Variants in ERBB4 observed in about 807,000 individuals in gnomAD.
ERBB4 encodes receptor tyrosine-protein kinase erbB-4.
A neutral mutation model predicts 158.0 loss-of-function variants in ERBB4; 42 were observed. The observed-to-expected ratio is 0.27, with a 90% confidence interval of 0.21 to 0.34. The LOEUF is 0.34. ERBB4 is among the 10% of genes least tolerant of loss of function. The pLI, the probability that ERBB4 is intolerant of heterozygous loss-of-function variation, is 1.00. For missense variants in ERBB4, 1,333 were observed against 1,624.1 expected, an observed-to-expected ratio of 0.82 and a Z score of 3.08; for synonymous variants, 583 against 558.7, an observed-to-expected ratio of 1.04 and a Z score of -0.61.
chr2:211,733,679 A>C (rs200272233), intron 5 of ERBB4, among the ~76,000 whole-genome samples: 4 of 21,014 alleles, frequency 1.9e-4, no homozygotes, highest in Non-Finnish European at 3.0e-4. Context: ...AACAAAAACC[A>C]AAAAAAAAAA....
chr2:212,400,882 C>T lies in ERBB4; in HGVS notation c.82+137567G>A, dbSNP rs2091184173. 2.0e-5 allele frequency among the ~76,000 whole-genome samples: 3 copies of T among 152,202 alleles called. No individual in the cohort carries two copies. The South Asian group carries it at 6.2e-4, about 32-fold the overall frequency. ...GGGGCAACAATTTTTTGTTAAAACT[C>T]TTAGCAAACTCTTCTCAAAATTAAT... On this transcript the variant is annotated intron_variant, in intron 1 of 27. Transcript: ENST00000342788.
chr2:211,755,170 C>A (rs1268110141), intron 4 of ERBB4, among the ~76,000 whole-genome samples: 1 of 152,084 alleles, frequency 6.6e-6, no homozygotes, highest in African/African-American at 2.4e-5. Flanking sequence ...TTTAAACAAC[C>A]ATTTCAGTTA....
chr2:211,596,860 G>A lies in ERBB4; in HGVS notation c.2301+22317C>T, dbSNP rs146923891. On this transcript the variant is annotated intron_variant, in intron 19 of 27. Transcript: ENST00000342788. Reference sequence around the variant, plus strand: ...GCTCACTGCAACCTCCACCTCCCGGGTTCAAGTGATTCTCCTGTCTCAGCC... The same window carrying A: ...GCTCACTGCAACCTCCACCTCCCGGATTCAAGTGATTCTCCTGTCTCAGCC... 7.5e-3 allele frequency among the ~76,000 whole-genome samples: 1,134 copies of A among 152,024 alleles called. 16 individuals carry two copies. Among genetic ancestry groups the A allele is most frequent in the African/African-American group, 0.025 (1,031 of 41,462 alleles).
chr2:212,082,006 C>T (rs1046847831), intron 2 of ERBB4, among the ~76,000 whole-genome samples: 12 of 152,002 alleles, frequency 7.9e-5, no homozygotes, highest in Admixed American at 2.0e-4. Flanking sequence ...AAAGTTTCCA[C>T]GGAACAATTA....
intron 19 of ERBB4, among the ~76,000 whole-genome samples, chr2:211,562,994 A>G (rs1213641962): frequency 1.3e-5 from 2 of 151,968 alleles, no homozygotes; most frequent in African/African-American, 2.4e-5. Context: ...GATGGTCTCT[A>G]TCTCCTGACC....
intron 19 of ERBB4, among the ~76,000 whole-genome samples, chr2:211,605,272 C>T (rs908852832): frequency 1.3e-5 from 2 of 152,084 alleles, no homozygotes; most frequent in Non-Finnish European, 2.9e-5. Context: ...ATACTAAATC[C>T]ACCAGAGGAA....
At chr2:211,980,238 T>C (rs1238289679) in intron 2 of ERBB4, among the ~76,000 whole-genome samples, 1 of 152,158 alleles carries the variant, frequency 6.6e-6, no homozygotes, top group African/African-American at 2.4e-5. Context: ...TATTAAGAAA[T>C]ACACTTGTGC....
intron 3 of ERBB4, among the ~76,000 whole-genome samples, chr2:211,924,022 A>G (rs986619692): frequency 1.3e-5 from 2 of 152,114 alleles, no homozygotes; most frequent in Non-Finnish European, 2.9e-5. Context: ...ATGCCCAGCC[A>G]TAACCTAAAT....
chr2:211,987,598 A>G (rs1243531592), intron 2 of ERBB4, among the ~76,000 whole-genome samples: 1 of 151,984 alleles, frequency 6.6e-6, no homozygotes. Flanking sequence ...ATCAAAATCA[A>G]TTGTGATGAA....
At chr2:212,001,565 T>A (rs1414903145) in intron 2 of ERBB4, among the ~76,000 whole-genome samples, 1 of 152,184 alleles carries the variant, frequency 6.6e-6, no homozygotes, top group Non-Finnish European at 1.5e-5. Flanking sequence ...TAAACTGCCA[T>A]TAGTGGAATC....
At chr2:212,246,507 A>G (rs2084316134) in intron 1 of ERBB4, among the ~76,000 whole-genome samples, 1 of 152,238 alleles carries the variant, frequency 6.6e-6, no homozygotes, top group Admixed American at 6.5e-5. Context: ...AGTTTGCAGG[A>G]GATGAGAAAA....
intron 2 of ERBB4, among the ~76,000 whole-genome samples, chr2:211,953,378 T>C (rs1485666633): frequency 2.0e-5 from 3 of 146,556 alleles, no homozygotes; most frequent in African/African-American, 5.1e-5. Flanking sequence ...GAACTTAAAG[T>C]ATAATTTAAA....
intron 19 of ERBB4, among the ~76,000 whole-genome samples, chr2:211,588,098 A>C (rs1408652122): frequency 6.6e-6 from 1 of 152,226 alleles, no homozygotes; most frequent in Non-Finnish European, 1.5e-5. Flanking sequence ...ATAAATAGCA[A>C]GGTATGGAAT....
At chr2:211,735,584 T>C (rs1360397513) in intron 5 of ERBB4, among the ~76,000 whole-genome samples, 1 of 152,040 alleles carries the variant, frequency 6.6e-6, no homozygotes, top group African/African-American at 2.4e-5. Flanking sequence ...TTAACTACCA[T>C]GATTGTGAGT....
chr2:212,221,857 TA>T (rs2083300336), intron 1 of ERBB4, among the ~76,000 whole-genome samples: 1 of 151,478 alleles, frequency 6.6e-6, no homozygotes, highest in Non-Finnish European at 1.5e-5. Context: ...CCTGATTTAT[TA>T]CTTCTATATC....
At chr2:212,298,890 T>C (rs1390072804) in intron 1 of ERBB4, among the ~76,000 whole-genome samples, 1 of 151,648 alleles carries the variant, frequency 6.6e-6, no homozygotes, top group African/African-American at 2.4e-5. Context: ...TTACCTCAAA[T>C]AGTTACATGT....
chr2:211,686,483 G>A (rs1428432324), intron 12 of ERBB4, among the ~76,000 whole-genome samples: 2 of 151,938 alleles, frequency 1.3e-5, no homozygotes, highest in Non-Finnish European at 2.9e-5. Flanking sequence ...TGTATATATT[G>A]CTGACTGCTA....
At chr2:211,402,454 A>G (rs1250525975) in intron 25 of ERBB4, among the ~76,000 whole-genome samples, 1 of 152,142 alleles carries the variant, frequency 6.6e-6, no homozygotes, top group Non-Finnish European at 1.5e-5. Context: ...GAAAGTAATT[A>G]AAAGTAATAC....
chr2:211,765,620 C>A (rs1387337915), intron 4 of ERBB4, among the ~76,000 whole-genome samples: 3 of 152,078 alleles, frequency 2.0e-5, no homozygotes, highest in Non-Finnish European at 4.4e-5. Context: ...AGATTCCTGT[C>A]CAGTATACAA....
Sources: gnomAD v4.1 joint callset for allele counts (sites outside exome capture counted in the v4.1 genomes callset) on GRCh38, gnomAD v4.1.1 for gene constraint, MANE v1.5 for transcripts, NCBI Gene and HGNC (gene_info 2026-07-23, HGNC 2026-07-21) for gene names.